The following CYP39A1 variants were observed in gnomAD, a reference collection of about 807,000 sequenced individuals.
CYP39A1 encodes the protein 24-hydroxycholesterol 7-alpha-hydroxylase.
Under a neutral mutation model 58.1 loss-of-function variants are expected in CYP39A1, and 49 were observed. That is an observed-to-expected ratio of 0.84 (90% CI 0.67 to 1.07). The LOEUF is 1.07. Among genes scored for constraint, CYP39A1 ranks in the 50% least tolerant of loss-of-function variants. The pLI is 0.00. For missense variants in CYP39A1, 531 were observed against 539.4 expected (o/e 0.98, Z 0.16); for synonymous variants, 209 against 187.6 (o/e 1.11, Z -0.93).
Position 46,652,681 on chromosome 6 carries a change from C to T in CYP39A1, c.-99G>A, listed in dbSNP as rs1762779053. 2.6e-6 allele frequency: 3 copies of T among 1,139,726 alleles called. No individual in the cohort carries two copies. The highest frequency in any genetic ancestry group is 5.3e-5 in the East Asian group (2 of 37,384). The allele number at this position is 1,139,726 out of a possible 1,614,324, so 70.6% of individuals were successfully genotyped here. A position where few individuals can be genotyped will look rare whatever the true frequency, so the allele number is the denominator to read the frequency against. ...CTACGGAACCTGTCGGGACTCCCAA[C>T]CTTTCTGCTGCAACTTTTGCAGCTC... On this transcript the variant is annotated 5_prime_UTR_variant, in exon 1 of 12. Transcript: ENST00000275016.
At position 46,562,631 on chromosome 6, in the gene CYP39A1, A is replaced by C. The variant is rs922515634; in HGVS notation, c.1251-8777T>G. ...AAAAAATAAATAAAATAAACAAATA[A>C]ATAAATAAATTTTTAAAAGTTTGAA... On this transcript the variant is annotated intron_variant, in intron 10 of 11. Transcript: ENST00000275016. Among the ~76,000 whole-genome samples, 5 of 151,914 alleles carry C rather than the reference A, an allele frequency of 3.3e-5. 1 individual carries two copies. The highest frequency in any genetic ancestry group is 4.1e-4 in the South Asian group (2 of 4,822).
intron 10 of CYP39A1, among the ~76,000 whole-genome samples, chr6:46,568,000 A>T (rs929582721): frequency 2.0e-5 from 3 of 149,602 alleles, no homozygotes; most frequent in African/African-American, 7.7e-5. Context: ...TTTTTTTAAA[A>T]AAAAAACAGG....
At chr6:46,626,831 T>A (rs779255691) in intron 6 of CYP39A1, among the ~76,000 whole-genome samples, 1 of 152,202 alleles carries the variant, frequency 6.6e-6, no homozygotes. Context: ...ATTCAATTAA[T>A]AACTACTCCA....
At chr6:46,598,449 G>T (rs1389262333) in intron 7 of CYP39A1, among the ~76,000 whole-genome samples, 2 of 152,054 alleles carry the variant, frequency 1.3e-5, no homozygotes, top group Admixed American at 6.6e-5. Context: ...TAGTTATTAA[G>T]AACTAAAACA....
At chr6:46,592,147 A>C (rs529443293) in intron 8 of CYP39A1, among the ~76,000 whole-genome samples, 2 of 152,314 alleles carry the variant, frequency 1.3e-5, no homozygotes, top group East Asian at 1.9e-4. Flanking sequence ...GAAAGTAGAG[A>C]GTGTTCGTCC....
chr6:46,587,373 T>A (rs909891724), intron 9 of CYP39A1, among the ~76,000 whole-genome samples: 2 of 152,092 alleles, frequency 1.3e-5, no homozygotes, highest in Non-Finnish European at 2.9e-5. Context: ...TTTAAAAAAT[T>A]CTGTTAAGTG....
intron 7 of CYP39A1, among the ~76,000 whole-genome samples, chr6:46,615,156 C>T (rs1226186486): frequency 6.6e-6 from 1 of 152,002 alleles, no homozygotes; most frequent in Non-Finnish European, 1.5e-5. Context: ...TCTGTTGAAA[C>T]ATAGGGTTCA....
In CYP39A1 at chr6:46,573,948, A is replaced by T. The variant is rs528377436; in HGVS notation, c.1250+13129T>A. Among the ~76,000 whole-genome samples the T allele has an allele frequency of 5.9e-5, 9 of 152,298 alleles. No homozygotes were observed. In the East Asian group the frequency reaches 1.5e-3, roughly 26 times the overall value. On this transcript the variant is annotated intron_variant, in intron 10 of 11. Coordinates refer to ENST00000275016, the MANE Select transcript of CYP39A1 (RefSeq NM_016593.5). ...GAAAGAAAACTCTTGCTTTTAAGGG[A>T]ATTACATTACTGAGGATACTTTTGG...
At chr6:46,646,680 T>G (rs935504198) in intron 1 of CYP39A1, among the ~76,000 whole-genome samples, 1 of 152,112 alleles carries the variant, frequency 6.6e-6, no homozygotes, top group African/African-American at 2.4e-5. Flanking sequence ...AATGATACAA[T>G]CTGGGCATAG....
At chr6:46,557,933 C>CAAAAAAAAAAAAAAAAAAAAAAA (rs1186594398) in intron 10 of CYP39A1, among the ~76,000 whole-genome samples, 22 of 37,588 alleles carry the variant, frequency 5.9e-4, no homozygotes, top group East Asian at 1.4e-3. Context: ...GACTCCATCT[C>CAAAAAAAAAAAAAAAAAAAAAAA]AAAAAAAAAA....
intron 5 of CYP39A1, among the ~76,000 whole-genome samples, chr6:46,632,223 G>C (rs1562009343): frequency 6.6e-6 from 1 of 151,744 alleles, no homozygotes; most frequent in Non-Finnish European, 1.5e-5. Flanking sequence ...ATTTTTAAAG[G>C]AAAAAATGAG....
intron 6 of CYP39A1, among the ~76,000 whole-genome samples, chr6:46,629,566 T>C (rs1205791706): frequency 2.6e-5 from 4 of 152,224 alleles, no homozygotes; most frequent in African/African-American, 7.2e-5. Flanking sequence ...AGAATTTCTA[T>C]CCCTTCTCTT....
intron 7 of CYP39A1, among the ~76,000 whole-genome samples, chr6:46,614,006 T>G (rs1162761615): frequency 1.3e-5 from 2 of 150,624 alleles, no homozygotes; most frequent in East Asian, 3.9e-4. Context: ...ATATTTTAAT[T>G]AAAATAGAAA....
At chr6:46,632,374 T>A (rs1775715973) in intron 5 of CYP39A1, among the ~76,000 whole-genome samples, 1 of 152,134 alleles carries the variant, frequency 6.6e-6, no homozygotes, top group South Asian at 2.1e-4. Flanking sequence ...GGTTTGTGGT[T>A]TTTGTAGAGT....
intron 8 of CYP39A1, among the ~76,000 whole-genome samples, chr6:46,595,679 A>G (rs780509858): frequency 2.0e-5 from 3 of 152,032 alleles, no homozygotes; most frequent in Non-Finnish European, 4.4e-5. Context: ...GGTCTATTGT[A>G]TAACATGGTG....
intron 7 of CYP39A1, among the ~76,000 whole-genome samples, chr6:46,620,675 G>A (rs1375225051): frequency 6.6e-6 from 1 of 152,126 alleles, no homozygotes; most frequent in Non-Finnish European, 1.5e-5. Flanking sequence ...CTCTGGCACA[G>A]GTAGAAAGCG....
chr6:46,550,941 T>C (rs568273982), intron 11 of CYP39A1, among the ~76,000 whole-genome samples: 1 of 152,224 alleles, frequency 6.6e-6, no homozygotes, highest in East Asian at 1.9e-4. Context: ...TAAAGATACT[T>C]TGTAGGCTCC....
At chr6:46,629,302 A>T (rs938922550) in intron 6 of CYP39A1, among the ~76,000 whole-genome samples, 2 of 152,172 alleles carry the variant, frequency 1.3e-5, no homozygotes, top group African/African-American at 4.8e-5. Context: ...CTTCCGGGGG[A>T]TGTTTCTAAC....
chr6:46,594,140 T>C (rs1173964930), intron 8 of CYP39A1, among the ~76,000 whole-genome samples: 1 of 152,084 alleles, frequency 6.6e-6, no homozygotes, highest in East Asian at 1.9e-4. Flanking sequence ...CAGAATCAGA[T>C]GGCCAGAATG....
Sources: gnomAD v4.1 joint callset for allele counts (sites outside exome capture counted in the v4.1 genomes callset) on GRCh38, gnomAD v4.1.1 for gene constraint, MANE v1.5 for transcripts, NCBI Gene and HGNC (gene_info 2026-07-23, HGNC 2026-07-21) for gene names.